The following ENTPD5 variants were observed in gnomAD, a reference collection of about 807,000 sequenced individuals.
ENTPD5 encodes the protein nucleoside diphosphate phosphatase ENTPD5.
A neutral mutation model predicts 60.2 loss-of-function variants in ENTPD5; 49 were observed. That is an observed-to-expected ratio of 0.81 (90% CI 0.65 to 1.03). The LOEUF is 1.03. Among genes scored for constraint, ENTPD5 ranks in the 50% least tolerant of loss-of-function variants. The pLI is 0.00. For synonymous variants in ENTPD5, 187 were observed against 185.4 expected (o/e 1.01, Z -0.07); for missense variants, 480 against 507.6 (o/e 0.95, Z 0.52).
intron 3 of ENTPD5, among the ~76,000 whole-genome samples, chr14:73,990,952 C>T (rs1014797415): frequency 6.6e-6 from 1 of 152,060 alleles, no homozygotes; most frequent in Non-Finnish European, 1.5e-5. Flanking sequence ...TTGCTTGAAA[C>T]CGGGAAGCAG....
At chr14:73,983,199 C>A in intron 5 of ENTPD5, 38 bp from the exon 6 acceptor site, 3 of 1,584,014 alleles carry the variant, frequency 1.9e-6, no homozygotes, top group Non-Finnish European at 2.6e-6. Flanking sequence ...ATGAACGATC[C>A]ATTTAGTGGC....
At chr14:73,999,850 G>A (rs1478998143) in intron 3 of ENTPD5, among the ~76,000 whole-genome samples, 2 of 151,848 alleles carry the variant, frequency 1.3e-5, no homozygotes, top group African/African-American at 2.4e-5. Context: ...AGCACTTGGG[G>A]AGGCCAAGGC....
Position 74,007,259 on chromosome 14 carries a change from C to T in ENTPD5, c.-71+3832G>A, listed in dbSNP as rs931239321. Among the ~76,000 whole-genome samples, 21 of 152,242 alleles carry T rather than the reference C, an allele frequency of 1.4e-4. No homozygotes were observed. The South Asian group carries it at 2.1e-3, about 15-fold the overall frequency. On this transcript the variant is annotated intron_variant, in intron 3 of 15. Transcript: ENST00000334696. The stretch of plus-strand genomic sequence containing the variant: ...AGGTATGGCCGGGCGCGGTGGCTCA[C>T]GCCTGTAATCCCAGCACTTTGGGAG...
downstream of ENTPD5, chr14:73,958,701 T>C: frequency 7.3e-7 from 1 of 1,364,886 alleles, no homozygotes; most frequent in Non-Finnish European, 9.5e-7. Flanking sequence ...ACTTTCCTTA[T>C]TGCTCTCTAG....
At chr14:74,005,483 A>G (rs1428390486) in intron 3 of ENTPD5, among the ~76,000 whole-genome samples, 1 of 151,978 alleles carries the variant, frequency 6.6e-6, no homozygotes, top group East Asian at 1.9e-4. Flanking sequence ...TACAGGTGTG[A>G]GCCATCACAT....
intron 3 of ENTPD5, among the ~76,000 whole-genome samples, chr14:73,989,008 C>T (rs10131935): frequency 6.6e-6 from 1 of 151,688 alleles, no homozygotes; most frequent in African/African-American, 2.4e-5. Flanking sequence ...ATTTTTAGTA[C>T]AGACGGGGTT....
At chr14:73,971,717 C>T (rs1268692162) in intron 14 of ENTPD5, 135 bp downstream of exon 14, 1 of 696,310 alleles carries the variant, frequency 1.4e-6, no homozygotes, top group East Asian at 2.5e-5. Context: ...TTAGCAAAGA[C>T]TGGAAGACTC....
At chr14:74,014,615 T>G (rs1251308268) in intron 2 of ENTPD5, among the ~76,000 whole-genome samples, 1 of 152,194 alleles carries the variant, frequency 6.6e-6, no homozygotes, top group African/African-American at 2.4e-5. Context: ...AGTAAAACAT[T>G]GAATGTTTTA....
At chr14:74,013,565 C>A (rs992870374) in intron 2 of ENTPD5, among the ~76,000 whole-genome samples, 24 of 152,134 alleles carry the variant, frequency 1.6e-4, no homozygotes, top group African/African-American at 5.8e-4. Flanking sequence ...GACAATTCTT[C>A]TTCTTCCAAT....
intron 3 of ENTPD5, among the ~76,000 whole-genome samples, chr14:73,999,209 T>C (rs946664845): frequency 6.6e-6 from 1 of 152,262 alleles, no homozygotes; most frequent in South Asian, 2.1e-4. Flanking sequence ...GTAAAGAAGC[T>C]AGGCGCAGTA....
intron 3 of ENTPD5, among the ~76,000 whole-genome samples, chr14:73,994,647 C>T (rs991612263): frequency 9.3e-5 from 14 of 151,238 alleles, no homozygotes; most frequent in Non-Finnish European, 5.9e-5. Flanking sequence ...TCAGGAGAAT[C>T]GCTTGAACCC....
downstream of ENTPD5, chr14:73,955,754 A>T: frequency 6.2e-7 from 1 of 1,613,514 alleles, no homozygotes; most frequent in Non-Finnish European, 8.5e-7. Flanking sequence ...TTCTGATTGG[A>T]GTGATGTTTC....
intron 3 of ENTPD5, chr14:74,003,420 C>T (rs981665412): frequency 3.3e-5 from 33 of 1,011,452 alleles, no homozygotes; most frequent in African/African-American, 3.0e-4. Flanking sequence ...GAGGAAAAAG[C>T]GAATGTGCAG....
At chr14:73,957,097 TATTA>T (rs779600647), downstream of ENTPD5, among the ~76,000 whole-genome samples, 3 of 125,688 alleles carry the variant, frequency 2.4e-5, no homozygotes, top group East Asian at 2.0e-4. Flanking sequence ...TTATTATTAT[TATTA>T]TTTTTTTTTT....
intron 2 of ENTPD5, among the ~76,000 whole-genome samples, chr14:74,012,437 T>C (rs1005536451): frequency 2.8e-4 from 42 of 152,182 alleles, no homozygotes; most frequent in Non-Finnish European, 2.6e-4. Flanking sequence ...CACTGATTAC[T>C]TAACAGAGTA....
At chr14:73,972,725 C>T (rs1329838424) in intron 13 of ENTPD5, among the ~76,000 whole-genome samples, 159 bp downstream of exon 13, 2 of 152,126 alleles carry the variant, frequency 1.3e-5, no homozygotes, top group African/African-American at 4.8e-5. Flanking sequence ...TCTCTCACCT[C>T]CAAAAGACTC....
At chr14:73,988,787 C>T (rs1010947394) in intron 3 of ENTPD5, among the ~76,000 whole-genome samples, 1 of 152,046 alleles carries the variant, frequency 6.6e-6, no homozygotes, top group Non-Finnish European at 1.5e-5. Context: ...CTTTCTGAGC[C>T]TGGCGTGTTT....
At chr14:73,977,989 TTA>T (rs1213677560) in intron 6 of ENTPD5, among the ~76,000 whole-genome samples, 1 of 152,188 alleles carries the variant, frequency 6.6e-6, no homozygotes, top group Non-Finnish European at 1.5e-5. Context: ...TGTCTTATGT[TTA>T]TATAATTATC....
At chr14:74,004,593 TG>T (rs753021433) in intron 3 of ENTPD5, among the ~76,000 whole-genome samples, 2 of 152,182 alleles carry the variant, frequency 1.3e-5, no homozygotes, top group Non-Finnish European at 2.9e-5. Flanking sequence ...TGACTAGGCC[TG>T]GAAGACCCAC....
Sources: gnomAD v4.1 joint callset for allele counts (sites outside exome capture counted in the v4.1 genomes callset) on GRCh38, gnomAD v4.1.1 for gene constraint, MANE v1.5 for transcripts, NCBI Gene and HGNC (gene_info 2026-07-23, HGNC 2026-07-21) for gene names.